The following C3orf70 variants were observed in gnomAD, a reference collection of about 807,000 sequenced individuals.
The protein encoded by C3orf70 is chromosome 3 open reading frame 70.
C3orf70 carries 15 observed loss-of-function variants against 20.7 expected under a neutral mutation model. The observed-to-expected ratio is 0.72, with a 90% CI of 0.48 to 1.11. The LOEUF is 1.11. C3orf70 is among the 50% of genes most tolerant of loss of function. The pLI is 0.00. For missense variants in C3orf70, 332 were observed against 317.6 expected, an observed-to-expected ratio of 1.05 and a Z score of -0.34; for synonymous variants, 161 against 125.7, an observed-to-expected ratio of 1.28 and a Z score of -1.88.
intron 1 of C3orf70, among the ~76,000 whole-genome samples, chr3:185,128,584 T>C (rs762299488): frequency 6.6e-6 from 1 of 152,088 alleles, no homozygotes; most frequent in Non-Finnish European, 1.5e-5. Flanking sequence ...TTGAGTTTTC[T>C]AACTCCTTTT....
chr3:185,107,841 T>C (rs1378346994), intron 1 of C3orf70, among the ~76,000 whole-genome samples: 2 of 152,320 alleles, frequency 1.3e-5, no homozygotes, highest in Admixed American at 6.5e-5. Context: ...TTAATAGTCA[T>C]AGACTCTAGA....
rs752350495 is a variant in C3orf70, at chr3:185,152,839, G to A, written c.-16C>T. ...CCGCACTCATTTCCTCTCCCTCCGC[G>A]CGGAGCCGACACCGGGAGCCCGGGA... On this transcript the variant is annotated 5_prime_UTR_variant, in exon 1 of 2. Transcript: ENST00000335012. 1.3e-6 allele frequency: 2 copies of A among 1,516,292 alleles called. No homozygotes were observed. Among genetic ancestry groups the A allele is most frequent in the Non-Finnish European group, 1.8e-6 (2 of 1,127,712 alleles). The allele number at this position is 1,516,292 out of a possible 1,614,324, so 93.9% of individuals were successfully genotyped here.
At chr3:185,088,694 A>T (rs1413802910) in intron 1 of C3orf70, among the ~76,000 whole-genome samples, 3 of 152,104 alleles carry the variant, frequency 2.0e-5, no homozygotes, top group African/African-American at 7.2e-5. Context: ...CTTCATTATA[A>T]AGTTACTATT....
At chr3:185,133,611 G>A (rs1168861537) in intron 1 of C3orf70, among the ~76,000 whole-genome samples, 1 of 151,998 alleles carries the variant, frequency 6.6e-6, no homozygotes, top group African/African-American at 2.4e-5. Context: ...CAGGCATGGT[G>A]CACACCTGAA....
chr3:185,078,513 G>C lies in C3orf70; in HGVS notation c.*4494C>G, dbSNP rs756129623. The C allele has an allele frequency of 1.3e-5, 2 of 152,196 alleles. No homozygotes were observed. Among genetic ancestry groups the C allele is most frequent in the Non-Finnish European group, 2.9e-5 (2 of 68,038 alleles). The allele number at this position is 152,196 out of a possible 1,614,324, so 9.4% of individuals were successfully genotyped here. ...ATGTTGAGAAGTGCCCTATTTCTGTGTTGATGTGAGAGACACTGATATCCG... is the reference window on the plus strand; with the variant it reads ...ATGTTGAGAAGTGCCCTATTTCTGTCTTGATGTGAGAGACACTGATATCCG... On this transcript the variant is annotated 3_prime_UTR_variant, in exon 2 of 2. Transcript: ENST00000335012.
Position 185,098,976 on chromosome 3 carries a change from G to A in C3orf70, c.197-15413C>T, listed in dbSNP as rs375779234. ...TGGACTTACCAGTCTCTATAATCAC[G>A]TGAGCCAATTCCTTACGATCAGCCA... On this transcript the variant is annotated intron_variant, in intron 1 of 1. Transcript: ENST00000335012. Among the ~76,000 whole-genome samples the A allele has an allele frequency of 7.2e-5, 11 of 152,294 alleles. No homozygotes were observed. The East Asian group carries it at 7.7e-4, about 11-fold the overall frequency.
intron 1 of C3orf70, among the ~76,000 whole-genome samples, chr3:185,140,969 C>CAA (rs35570209): frequency 0.021 from 2,842 of 136,620 alleles, 92 homozygotes; most frequent in African/African-American, 0.073. Flanking sequence ...CCCTTGTCAC[C>CAA]AAAAAAAAAA....
intron 1 of C3orf70, among the ~76,000 whole-genome samples, chr3:185,149,784 A>T (rs1269778969): frequency 1.3e-5 from 2 of 152,176 alleles, no homozygotes; most frequent in African/African-American, 2.4e-5. Context: ...CTGCCAGTGG[A>T]GGAAGTGTGG....
Position 185,091,900 on chromosome 3 carries a change from CACACACACAT to C in C3orf70, c.197-8347_197-8338del, listed in dbSNP as rs1367945758. On this transcript the variant is annotated intron_variant, in intron 1 of 1. Transcript: ENST00000335012. ...TATATAATATATATACACACATACA[CACACACACAT>C]ACATATATATATATATATATATATA... 4.2e-3 allele frequency among the ~76,000 whole-genome samples: 78 copies of C among 18,614 alleles called. 1 individual carries two copies. The highest frequency in any genetic ancestry group is 0.012 in the Non-Finnish European group (66 of 5,286). The allele number at this position is 18,614 out of a possible 152,430, so 12.2% of individuals were successfully genotyped here.
rs953060620 is a variant in C3orf70 at position 185,081,657 on chromosome 3, A to G, written c.*1350T>C. The G allele has an allele frequency of 6.6e-6, 1 of 152,576 alleles. No homozygotes were observed. The highest frequency in any genetic ancestry group is 1.5e-5 in the Non-Finnish European group (1 of 68,044). The allele number at this position is 152,576 out of a possible 1,614,324, so 9.5% of individuals were successfully genotyped here. On this transcript the variant is annotated 3_prime_UTR_variant, in exon 2 of 2. Coordinates refer to ENST00000335012, the MANE Select transcript of C3orf70 (RefSeq NM_001025266.3). ...CTGACTCACAAGAATACCTGGTATA[A>G]ATGGAGAGTAGAAGTAGAATTCTGA... is the stretch of plus-strand genomic sequence containing the variant.
chr3:185,103,243 TCAAA>T (rs1715857254), intron 1 of C3orf70, among the ~76,000 whole-genome samples: 2 of 151,952 alleles, frequency 1.3e-5, no homozygotes, highest in Non-Finnish European at 1.5e-5. Context: ...AGGCTCTGTC[TCAAA>T]CAAACCCTGG....
At chr3:185,121,358 TA>T (rs59087246) in intron 1 of C3orf70, among the ~76,000 whole-genome samples, 9,467 of 119,344 alleles carry the variant, frequency 0.079, 785 homozygotes, top group African/African-American at 0.23. Flanking sequence ...CTATGGAAAT[TA>T]AAAAAAAAAA....
intron 1 of C3orf70, among the ~76,000 whole-genome samples, chr3:185,111,166 T>C (rs935845405): frequency 6.6e-6 from 1 of 152,192 alleles, no homozygotes; most frequent in African/African-American, 2.4e-5. Flanking sequence ...GAAGAATACA[T>C]AGGAATAAAT....
At chr3:185,083,638 G>A in intron 1 of C3orf70, 75 bp from the exon 2 acceptor site, 2 of 1,277,708 alleles carry the variant, frequency 1.6e-6, no homozygotes, top group South Asian at 1.7e-5. Flanking sequence ...GGTTTCTGAG[G>A]ACTCAATGTC....
intron 1 of C3orf70, among the ~76,000 whole-genome samples, chr3:185,093,436 G>T (rs941781715): frequency 6.6e-6 from 1 of 152,184 alleles, no homozygotes; most frequent in African/African-American, 2.4e-5. Context: ...ACCACATTTA[G>T]TCCTACCTGA....
chr3:185,077,612 T>C lies in C3orf70; in HGVS notation c.*5395A>G, dbSNP rs1715223116. On this transcript the variant is annotated 3_prime_UTR_variant, in exon 2 of 2. Transcript: ENST00000335012. ...TTTTCTGAGTATGGACTTGCCGCGC[T>C]GAGGCCTGGCCCCTGAGTCTTGGTG... Among the ~76,000 whole-genome samples, 1 of 152,146 alleles carries C rather than the reference T, an allele frequency of 6.6e-6. No homozygotes were observed. The highest frequency in any genetic ancestry group is 2.4e-5 in the African/African-American group (1 of 41,410).
At chr3:185,096,584 T>G (rs748304735) in intron 1 of C3orf70, among the ~76,000 whole-genome samples, 2 of 152,136 alleles carry the variant, frequency 1.3e-5, no homozygotes, top group African/African-American at 2.4e-5. Flanking sequence ...GTGATGACAC[T>G]TTCTTGGTGG....
chr3:185,131,949 CAG>C (rs1198167340), intron 1 of C3orf70, among the ~76,000 whole-genome samples: 1 of 152,196 alleles, frequency 6.6e-6, no homozygotes, highest in Non-Finnish European at 1.5e-5. Context: ...AGCTTAAACT[CAG>C]GACACATGAG....
At chr3:185,093,980 A>AT (rs1254452542) in intron 1 of C3orf70, among the ~76,000 whole-genome samples, 1 of 152,040 alleles carries the variant, frequency 6.6e-6, no homozygotes, top group African/African-American at 2.4e-5. Context: ...TATTTTGCAT[A>AT]TAACCTATGC....
Sources: gnomAD v4.1 joint callset for allele counts (sites outside exome capture counted in the v4.1 genomes callset) on GRCh38, gnomAD v4.1.1 for gene constraint, MANE v1.5 for transcripts, NCBI Gene and HGNC (gene_info 2026-07-23, HGNC 2026-07-21) for gene names.